Variants in C1orf105 observed in about 807,000 individuals in gnomAD.
C1orf105 encodes chromosome 1 open reading frame 105.
Under a neutral mutation model 20.8 loss-of-function variants are expected in C1orf105, and 17 were observed. That is an observed-to-expected ratio of 0.82 (90% CI 0.56 to 1.23). C1orf105 has a LOEUF of 1.23. Ranked by LOEUF, C1orf105 falls within the 50% of genes most tolerant of loss-of-function variation. C1orf105 has a pLI of 0.00. For synonymous variants in C1orf105, 72 were observed against 72.1 expected, an observed-to-expected ratio of 1.00 and a Z score of 0.01; for missense variants, 219 against 213.5, an observed-to-expected ratio of 1.03 and a Z score of -0.16.
At chr1:172,441,401 C>T (rs1573852209) in intron 1 of C1orf105, 1 of 206,238 alleles carries the variant, frequency 4.8e-6, no homozygotes, top group African/African-American at 2.3e-5. Flanking sequence ...ACTTACTTCA[C>T]TCTTCATGCC....
At chr1:172,452,990 G>C (rs542798060) in intron 3 of C1orf105, 14 of 1,549,256 alleles carry the variant, frequency 9.0e-6, no homozygotes, top group Non-Finnish European at 1.2e-5. Context: ...CAAAGACCTG[G>C]GTTTCAGGGC....
intron 5 of C1orf105, among the ~76,000 whole-genome samples, chr1:172,464,488 C>T (rs563887845): frequency 6.6e-6 from 1 of 152,138 alleles, no homozygotes; most frequent in East Asian, 1.9e-4. Flanking sequence ...GAGGTTTTGG[C>T]TTATATGCAT....
At chr1:172,422,124 C>T (rs1248630036) in intron 1 of C1orf105, among the ~76,000 whole-genome samples, 2 of 151,492 alleles carry the variant, frequency 1.3e-5, no homozygotes, top group Non-Finnish European at 1.5e-5. Context: ...GACTGGGGAG[C>T]GCACGATCTA....
chr1:172,464,255 G>A (rs1361515282), intron 5 of C1orf105, among the ~76,000 whole-genome samples: 1 of 152,164 alleles, frequency 6.6e-6, no homozygotes, highest in Non-Finnish European at 1.5e-5. Context: ...TGCACAAAAT[G>A]GATAATAGAA....
At chr1:172,468,289 A>G (rs1215983930) in intron 6 of C1orf105, among the ~76,000 whole-genome samples, 160 bp from the exon 7 acceptor site, 1 of 152,262 alleles carries the variant, frequency 6.6e-6, no homozygotes, top group African/African-American at 2.4e-5. Flanking sequence ...TTTCTTAAGA[A>G]AAAATAAAAG....
chr1:172,441,685 G>T, intron 1 of C1orf105: 2 of 1,437,916 alleles, frequency 1.4e-6, no homozygotes, highest in Non-Finnish European at 1.9e-6. Context: ...TAGTTAGGAG[G>T]CTAATCTATC....
At chr1:172,453,208 C>A (rs1429531447) in intron 3 of C1orf105, 2 of 1,548,286 alleles carry the variant, frequency 1.3e-6, no homozygotes, top group African/African-American at 2.7e-5. Context: ...CAGCACAGAT[C>A]AAAGATTGCT....
At chr1:172,460,210 C>T (rs1346024122) in intron 4 of C1orf105, among the ~76,000 whole-genome samples, 2 of 151,658 alleles carry the variant, frequency 1.3e-5, no homozygotes, top group African/African-American at 4.8e-5. Context: ...TCATAAACAC[C>T]GATAAAAAGA....
intron 1 of C1orf105, 108 bp from the exon 2 acceptor site, chr1:172,444,965 T>A (rs964529595): frequency 2.6e-6 from 2 of 755,838 alleles, no homozygotes; most frequent in Non-Finnish European, 4.2e-6. Context: ...ATAAAAATGG[T>A]TTGTAAAGTG....
chr1:172,456,383 C>T lies in C1orf105; in HGVS notation c.199-32C>T, dbSNP rs116177552. 6.0e-3 allele frequency: 9,561 copies of T among 1,590,702 alleles called. 45 individuals carry two copies. The highest frequency in any genetic ancestry group is 7.2e-3 in the Non-Finnish European group (8,417 of 1,162,838). ...TGCTGCCCTACATGCCCCACCATTT[C>T]CTCACCTCTCTCTGTCTCTCTTTCC... On this transcript the variant is annotated intron_variant, in intron 3 of 6. Coordinates refer to ENST00000367727, the MANE Select transcript of C1orf105 (RefSeq NM_139240.4).
intron 3 of C1orf105, chr1:172,453,213 A>T: frequency 6.5e-7 from 1 of 1,547,904 alleles, no homozygotes; most frequent in Non-Finnish European, 8.7e-7. Flanking sequence ...CAGATCAAAG[A>T]TTGCTTTTTA....
rs991822871 is a variant in C1orf105 at position 172,420,998 on chromosome 1, G to T, written c.21+92G>T. The T allele has an allele frequency of 1.6e-5, 19 of 1,192,220 alleles. No homozygotes were observed. The Admixed American group carries it at 4.4e-4, about 27-fold the overall frequency. The allele number at this position is 1,192,220 out of a possible 1,614,324, so 73.9% of individuals were successfully genotyped here. Reference sequence around the variant, plus strand: ...GCCTTGGAGGCCACATAAACATTGAGGGGTGTTTCAACAGACATCCTAGAA... The same window carrying T: ...GCCTTGGAGGCCACATAAACATTGATGGGTGTTTCAACAGACATCCTAGAA... On this transcript the variant is annotated intron_variant, in intron 1 of 6. Coordinates refer to ENST00000367727, the MANE Select transcript of C1orf105 (RefSeq NM_139240.4).
chr1:172,463,445 A>G (rs1558145842), intron 5 of C1orf105, among the ~76,000 whole-genome samples: 1 of 152,236 alleles, frequency 6.6e-6, no homozygotes, highest in Non-Finnish European at 1.5e-5. Flanking sequence ...CACTGAAAAC[A>G]TGCACCCAGT....
At chr1:172,460,405 G>A (rs1170933982) in intron 4 of C1orf105, among the ~76,000 whole-genome samples, 3 of 139,868 alleles carry the variant, frequency 2.1e-5, no homozygotes, top group African/African-American at 8.0e-5. Context: ...GTTTTATCTA[G>A]GCTGTGTTTC....
At chr1:172,446,269 T>C (rs1488652931) in intron 2 of C1orf105, among the ~76,000 whole-genome samples, 1 of 152,194 alleles carries the variant, frequency 6.6e-6, no homozygotes, top group Non-Finnish European at 1.5e-5. Flanking sequence ...TACTAAGTGA[T>C]AGAGTGCTTA....
At chr1:172,423,984 G>A (rs1258253814) in intron 1 of C1orf105, among the ~76,000 whole-genome samples, 6 of 152,122 alleles carry the variant, frequency 3.9e-5, no homozygotes, top group Non-Finnish European at 2.9e-5. Flanking sequence ...ATATATTTTT[G>A]TTATTGTTTT....
rs745630889 is a variant in C1orf105 at position 172,448,542 on chromosome 1, A to G, written c.198+11A>G. On this transcript the variant is annotated intron_variant, in intron 3 of 6. Transcript: ENST00000367727. ...GATGTTTTATCTAAGGTACTAAAAA[A>G]TTTTTGTTGAAATGAAACCAACAGC... 33 of 1,556,620 alleles carry G rather than the reference A, an allele frequency of 2.1e-5. No homozygotes were observed. In the South Asian group the frequency reaches 3.1e-4, roughly 15 times the overall value.
intron 3 of C1orf105, chr1:172,452,829 CCATTAA>C: frequency 7.1e-7 from 1 of 1,406,056 alleles, no homozygotes; most frequent in Non-Finnish European, 9.2e-7. Flanking sequence ...AATGAGGGCC[CCATTAA>C]CATTCCAGTG....
At position 172,423,113 on chromosome 1, in the gene C1orf105, C is replaced by T. The variant is rs112719180; in HGVS notation, c.21+2207C>T. 5.9e-5 allele frequency among the ~76,000 whole-genome samples: 9 copies of T among 152,332 alleles called. 1 individual carries two copies. Among genetic ancestry groups the T allele is most frequent in the African/African-American group, 1.9e-4 (8 of 41,580 alleles). On this transcript the variant is annotated intron_variant, in intron 1 of 6. Coordinates refer to ENST00000367727, the MANE Select transcript of C1orf105 (RefSeq NM_139240.4). The stretch of plus-strand genomic sequence containing the variant: ...TGGTTTTACCACCTGCTGATTGTAG[C>T]GCCCTAGAGCCTTGAGCGAACATAG...
Sources: allele counts gnomAD v4.1 joint callset (sites outside exome capture counted in the v4.1 genomes callset), GRCh38; gene constraint gnomAD v4.1.1; transcripts MANE v1.5; gene names NCBI Gene and HGNC (gene_info 2026-07-23, HGNC 2026-07-21).